AGBL4: variants seen among roughly 807,000 people sequenced by gnomAD.
The protein encoded by AGBL4 is AGBL carboxypeptidase 4, also known as cytosolic carboxypeptidase 6.
AGBL4 carries 58 observed loss-of-function variants against 66.4 expected under a neutral mutation model. The ratio of observed to expected loss-of-function variants is 0.87; its 90% CI spans 0.71 to 1.09. The LOEUF is 1.09. AGBL4 is among the 50% of genes least tolerant of loss of function. AGBL4 has a pLI of 0.00. For synonymous variants in AGBL4, 234 were observed against 222.9 expected, an observed-to-expected ratio of 1.05 and a Z score of -0.44; for missense variants, 579 against 631.0, an observed-to-expected ratio of 0.92 and a Z score of 0.88.
At chr1:49,408,807 T>C (rs917589560) in intron 3 of AGBL4, among the ~76,000 whole-genome samples, 4 of 152,212 alleles carry the variant, frequency 2.6e-5, no homozygotes, top group African/African-American at 7.2e-5. Context: ...GGACACAGAT[T>C]GGCTTCCTTG....
At chr1:49,231,721 C>A (rs1650326130) in intron 4 of AGBL4, among the ~76,000 whole-genome samples, 1 of 152,134 alleles carries the variant, frequency 6.6e-6, no homozygotes, top group African/African-American at 2.4e-5. Context: ...AAAATACAGA[C>A]AGTCTCTAAC....
intron 7 of AGBL4, among the ~76,000 whole-genome samples, chr1:48,656,190 T>TA (rs1284804714): frequency 1.3e-5 from 2 of 152,200 alleles, no homozygotes; most frequent in Non-Finnish European, 2.9e-5. Context: ...AGCTGGAAGT[T>TA]AGAGATCACT....
chr1:48,663,327 G>T (rs759299982), intron 6 of AGBL4, 86 bp from the exon 7 acceptor site: 7 of 1,236,942 alleles, frequency 5.7e-6, no homozygotes, highest in Non-Finnish European at 8.3e-6. Context: ...ACCCCAGAGG[G>T]AATGGGCTGG....
At chr1:49,789,169 C>G (rs929344787) in intron 2 of AGBL4, among the ~76,000 whole-genome samples, 1 of 152,144 alleles carries the variant, frequency 6.6e-6, no homozygotes, top group African/African-American at 2.4e-5. Context: ...GTTGAACCAG[C>G]CTTGCATCCC....
chr1:49,325,013 G>A (rs1465903330), intron 3 of AGBL4, among the ~76,000 whole-genome samples: 1 of 152,098 alleles, frequency 6.6e-6, no homozygotes, highest in Non-Finnish European at 1.5e-5. Flanking sequence ...TAATATATCA[G>A]CACTCTTTCA....
intron 3 of AGBL4, among the ~76,000 whole-genome samples, chr1:49,476,290 T>C (rs980912572): frequency 6.6e-6 from 1 of 150,840 alleles, no homozygotes; most frequent in African/African-American, 2.4e-5. Flanking sequence ...ATAATTTCAA[T>C]TGTTTTAAAT....
intron 6 of AGBL4, among the ~76,000 whole-genome samples, chr1:48,843,036 CTG>C (rs1340427043): frequency 1.3e-5 from 2 of 151,958 alleles, no homozygotes; most frequent in Non-Finnish European, 2.9e-5. Context: ...AAAAGGGGAG[CTG>C]TTGTTTAATG....
chr1:48,985,122 G>A (rs1225575949), intron 5 of AGBL4, among the ~76,000 whole-genome samples: 3 of 152,064 alleles, frequency 2.0e-5, no homozygotes, highest in African/African-American at 7.2e-5. Context: ...ACAAGACATT[G>A]GACATAAGAC....
At chr1:49,797,601 G>A (rs1280813700) in intron 2 of AGBL4, among the ~76,000 whole-genome samples, 1 of 151,966 alleles carries the variant, frequency 6.6e-6, no homozygotes. Flanking sequence ...GCATGGCTAA[G>A]TTTTTAAAAT....
chr1:48,952,167 G>T (rs1377365546), intron 5 of AGBL4, among the ~76,000 whole-genome samples: 1 of 152,196 alleles, frequency 6.6e-6, no homozygotes, highest in Non-Finnish European at 1.5e-5. Context: ...CTCCAGAAAA[G>T]TACTTTGAGT....
At chr1:49,734,286 G>GGA (rs535497795) in intron 2 of AGBL4, among the ~76,000 whole-genome samples, 17 of 150,952 alleles carry the variant, frequency 1.1e-4, no homozygotes, top group East Asian at 3.9e-4. Flanking sequence ...AGGGGAGAGG[G>GGA]GAGAGAGAGA....
intron 3 of AGBL4, among the ~76,000 whole-genome samples, chr1:49,444,998 CT>C (rs1223889747): frequency 2.6e-5 from 4 of 151,476 alleles, no homozygotes; most frequent in Non-Finnish European, 4.4e-5. Flanking sequence ...AAAGTAGTCC[CT>C]TCATTTCCAG....
chr1:49,613,916 A>G (rs1445025959), intron 3 of AGBL4, among the ~76,000 whole-genome samples: 1 of 152,158 alleles, frequency 6.6e-6, no homozygotes, highest in Non-Finnish European at 1.5e-5. Flanking sequence ...TAAACCTAAA[A>G]GTTGAAATTT....
At chr1:49,872,519 T>G (rs2148114900) in intron 1 of AGBL4, among the ~76,000 whole-genome samples, 1 of 152,204 alleles carries the variant, frequency 6.6e-6, no homozygotes, top group Admixed American at 6.6e-5. Context: ...AAAATGTCAC[T>G]TTCTGACAGG....
chr1:48,525,061 C>A, the AGBL4 span, among the ~76,000 whole-genome samples: 1 of 152,226 alleles, frequency 6.6e-6, no homozygotes, highest in Admixed American at 6.5e-5. Flanking sequence ...CTCATTTTCG[C>A]CACCAGCAGC....
intron 3 of AGBL4, among the ~76,000 whole-genome samples, chr1:49,680,785 T>C (rs1237304211): frequency 6.6e-6 from 1 of 152,180 alleles, no homozygotes; most frequent in Non-Finnish European, 1.5e-5. Flanking sequence ...CCATTATTTG[T>C]ATGAATGATT....
chr1:49,590,887 T>G (rs1644739183), intron 3 of AGBL4, among the ~76,000 whole-genome samples: 1 of 152,026 alleles, frequency 6.6e-6, no homozygotes, highest in Non-Finnish European at 1.5e-5. Flanking sequence ...CCAATAAAAT[T>G]AAACTATATG....
chr1:49,048,999 T>C (rs1032032290), intron 4 of AGBL4, among the ~76,000 whole-genome samples: 7 of 152,128 alleles, frequency 4.6e-5, no homozygotes, highest in Admixed American at 1.3e-4. Context: ...ACTCTCTTGC[T>C]AAAAACCTTT....
At chr1:49,662,413 G>A (rs1646287585) in intron 3 of AGBL4, among the ~76,000 whole-genome samples, 1 of 151,830 alleles carries the variant, frequency 6.6e-6, no homozygotes, top group Non-Finnish European at 1.5e-5. Context: ...GAAGGCGAAG[G>A]GAAACATCTT....
Sources: gnomAD v4.1 joint callset for allele counts (sites outside exome capture counted in the v4.1 genomes callset) on GRCh38, gnomAD v4.1.1 for gene constraint, MANE v1.5 for transcripts, NCBI Gene and HGNC (gene_info 2026-07-23, HGNC 2026-07-21) for gene names.